ATP10B: variants seen among roughly 807,000 people sequenced by gnomAD.
The protein encoded by ATP10B is phospholipid-transporting ATPase VB.
ATP10B carries 122 observed loss-of-function variants against 141.2 expected under a neutral mutation model. The observed-to-expected ratio is 0.86, with a 90% CI of 0.75 to 1.00. The LOEUF is 1.00. ATP10B is among the 50% of genes least tolerant of loss of function. The pLI is 0.00. For synonymous variants in ATP10B, 685 were observed against 692.0 expected (o/e 0.99, Z 0.16); for missense variants, 1,876 against 1,825.3 (o/e 1.03, Z -0.51).
intron 21 of ATP10B, among the ~76,000 whole-genome samples, chr5:160,599,800 G>A (rs937878384): frequency 3.3e-5 from 5 of 152,144 alleles, no homozygotes; most frequent in South Asian, 2.1e-4. Flanking sequence ...ACCATATTGC[G>A]ATATGGTTTG....
intron 24 of ATP10B, among the ~76,000 whole-genome samples, chr5:160,575,277 C>T (rs1333856289): frequency 1.3e-5 from 2 of 151,812 alleles, no homozygotes; most frequent in African/African-American, 2.4e-5. Flanking sequence ...TTTTTTTTCC[C>T]TTCAGCACAG....
At chr5:160,906,333 A>C in the ATP10B span, among the ~76,000 whole-genome samples, 1 of 152,040 alleles carries the variant, frequency 6.6e-6, no homozygotes, top group Non-Finnish European at 1.5e-5. Context: ...GAAAAAAAAA[A>C]CAATCGACCA....
chr5:160,599,032 G>C, intron 21 of ATP10B, 62 bp from the exon 22 acceptor site: 1 of 1,525,318 alleles, frequency 6.6e-7, no homozygotes, highest in Non-Finnish European at 9.0e-7. Flanking sequence ...ACCAGCTCCT[G>C]CTTGGGACCT....
intron 1 of ATP10B, among the ~76,000 whole-genome samples, chr5:160,820,463 T>C (rs1454777950): frequency 6.6e-6 from 1 of 152,030 alleles, no homozygotes; most frequent in Non-Finnish European, 1.5e-5. Flanking sequence ...ACCAAACATT[T>C]AAAGAAGAAC....
the ATP10B span, among the ~76,000 whole-genome samples, chr5:160,878,827 C>T: frequency 2.7e-5 from 4 of 150,808 alleles, no homozygotes; most frequent in Non-Finnish European, 6.0e-5. Context: ...AAATCAAAAC[C>T]ACAATGAGAT....
At chr5:160,772,661 T>C (rs1769990430) in intron 2 of ATP10B, among the ~76,000 whole-genome samples, 1 of 152,210 alleles carries the variant, frequency 6.6e-6, no homozygotes, top group Non-Finnish European at 1.5e-5. Context: ...GAGAATCTAA[T>C]GCTGCCAGTG....
intron 3 of ATP10B, among the ~76,000 whole-genome samples, chr5:160,708,607 G>C (rs935520002): frequency 2.6e-5 from 4 of 152,192 alleles, no homozygotes; most frequent in African/African-American, 9.7e-5. Context: ...GCTCTGTTGA[G>C]TACAGAATCA....
intron 2 of ATP10B, among the ~76,000 whole-genome samples, chr5:160,750,347 G>A (rs1197137718): frequency 6.6e-6 from 1 of 152,106 alleles, no homozygotes. Flanking sequence ...CTGGCTTCTT[G>A]GTAATCAAGC....
the ATP10B span, among the ~76,000 whole-genome samples, chr5:160,916,105 T>G: frequency 6.6e-6 from 1 of 152,190 alleles, no homozygotes; most frequent in African/African-American, 2.4e-5. Context: ...TCTTGAGTTA[T>G]GGTATATCCC....
chr5:160,726,105 G>A (rs1008716124), intron 2 of ATP10B, among the ~76,000 whole-genome samples: 1 of 152,074 alleles, frequency 6.6e-6, no homozygotes, highest in African/African-American at 2.4e-5. Flanking sequence ...AGAGACGCGC[G>A]AGCCTAACTC....
the ATP10B span, among the ~76,000 whole-genome samples, chr5:160,905,431 T>C: frequency 6.6e-6 from 1 of 152,202 alleles, no homozygotes; most frequent in African/African-American, 2.4e-5. Context: ...TCCTCAGGTA[T>C]AAGATAAGAC....
rs200602776 is a variant in ATP10B at position 160,650,145 on chromosome 5, CACAT to C, written c.676-893_676-890del. On this transcript the variant is annotated intron_variant, in intron 7 of 25. Coordinates refer to ENST00000327245, the MANE Select transcript of ATP10B (RefSeq NM_025153.3). ...ATATATATATATATACACACACACA[CACAT>C]ACATATATATACATATATATACATA... 3.0e-3 allele frequency among the ~76,000 whole-genome samples: 439 copies of C among 148,750 alleles called. 7 individuals carry two copies. In the Middle Eastern group the frequency reaches 0.062, roughly 21 times the overall value.
intron 11 of ATP10B, among the ~76,000 whole-genome samples, chr5:160,635,627 A>T (rs1341624783): frequency 1.3e-5 from 2 of 152,226 alleles, no homozygotes; most frequent in African/African-American, 2.4e-5. Context: ...AACTTCCCTC[A>T]TCTTTTCATT....
chr5:160,743,378 G>T (rs1054322133), intron 2 of ATP10B, among the ~76,000 whole-genome samples: 2 of 152,170 alleles, frequency 1.3e-5, no homozygotes, highest in African/African-American at 4.8e-5. Context: ...AATAAATCAT[G>T]CCTCTTGAGA....
chr5:160,636,643 T>C (rs549138324), intron 10 of ATP10B, among the ~76,000 whole-genome samples: 54 of 152,316 alleles, frequency 3.5e-4, no homozygotes, highest in Middle Eastern at 3.4e-3. Flanking sequence ...TTTTGTTCTG[T>C]GGTGCACACT....
At position 160,785,745 on chromosome 5, in the gene ATP10B, T is replaced by A. The variant is rs538088840; in HGVS notation, c.-517A>T. 1 of 1,210,498 alleles carries A rather than the reference T, an allele frequency of 8.3e-7. No individual in the cohort carries two copies. The highest frequency in any genetic ancestry group is 2.7e-5 in the Admixed American group (1 of 36,914). The allele number at this position is 1,210,498 out of a possible 1,614,324, so 75.0% of individuals were successfully genotyped here. ...AGGAAAAACTACTTACTCTTCACAC[T>A]GTTGCTTTCATTGAAACAAATGTCA... is the stretch of plus-strand genomic sequence containing the variant. On this transcript the variant is annotated 5_prime_UTR_variant, in exon 2 of 26. Coordinates refer to ENST00000327245, the MANE Select transcript of ATP10B (RefSeq NM_025153.3).
chr5:160,763,184 G>C (rs1292832913), intron 2 of ATP10B, among the ~76,000 whole-genome samples: 1 of 152,062 alleles, frequency 6.6e-6, no homozygotes, highest in Admixed American at 6.6e-5. Context: ...AGAAATGATG[G>C]ATTTAAACTA....
chr5:160,879,811 C>G, the ATP10B span, among the ~76,000 whole-genome samples: 2 of 152,144 alleles, frequency 1.3e-5, no homozygotes, highest in Non-Finnish European at 2.9e-5. Context: ...GCACTCCAGC[C>G]TGGGCGACAG....
At chr5:160,570,138 G>C (rs998783915) in intron 24 of ATP10B, among the ~76,000 whole-genome samples, 1 of 151,584 alleles carries the variant, frequency 6.6e-6, no homozygotes, top group Non-Finnish European at 1.5e-5. Flanking sequence ...TGTCCTGCCT[G>C]TTTTGTGCTT....
Sources: gnomAD v4.1 joint callset for allele counts (sites outside exome capture counted in the v4.1 genomes callset) on GRCh38, gnomAD v4.1.1 for gene constraint, MANE v1.5 for transcripts, NCBI Gene and HGNC (gene_info 2026-07-23, HGNC 2026-07-21) for gene names.